Variants in FRMD4A observed in about 807,000 individuals in gnomAD.
FRMD4A encodes the protein FERM domain-containing protein 4A.
A neutral mutation model predicts 129.1 loss-of-function variants in FRMD4A; 29 were observed. That is an observed-to-expected ratio of 0.22 (90% CI 0.17 to 0.31). The LOEUF is 0.31. FRMD4A is among the 10% of genes least tolerant of loss of function. The pLI, the probability that FRMD4A is intolerant of heterozygous loss-of-function variation, is 1.00. For synonymous variants in FRMD4A, 634 were observed against 571.6 expected, an observed-to-expected ratio of 1.11 and a Z score of -1.56; for missense variants, 1,272 against 1,375.8, an observed-to-expected ratio of 0.92 and a Z score of 1.19.
intron 2 of FRMD4A, among the ~76,000 whole-genome samples, chr10:13,895,698 C>T (rs2094749613): frequency 6.6e-6 from 1 of 152,160 alleles, no homozygotes; most frequent in South Asian, 2.1e-4. Context: ...AGCTTCTGCA[C>T]AGCAAAAGAA....
Position 13,657,001 on chromosome 10 carries a change from A to G in FRMD4A, c.2588T>C (p.Val863Ala). Residue 863 changes from valine (V) to alanine (A), a missense_variant, in exon 22 of 25, where the codon GTC (valine) becomes GCC (alanine). Val to Ala is a moderately conservative substitution (Grantham distance 64). Around this residue, in one of 2 missense-constraint regions of FRMD4A, gnomAD observed 972 missense variants for 892.3 expected, o/e 1.09. Coordinates refer to ENST00000357447, the MANE Select transcript of FRMD4A (RefSeq NM_018027.5). ...LESDQEGHYS[V>A]KAQFKTSNSY... ...GTTGGACGTCTTGAACTGAGCCTTG[A>G]CGCTGTAGTGGCCCTCCTGGTCGCT... The G allele has an allele frequency of 6.4e-7, 1 of 1,566,884 alleles. No individual in the cohort carries two copies. The highest frequency in any genetic ancestry group is 1.8e-5 in the Admixed American group (1 of 57,004).
intron 2 of FRMD4A, among the ~76,000 whole-genome samples, chr10:14,142,339 G>T (rs573015475): frequency 1.0e-3 from 157 of 152,186 alleles, no homozygotes; most frequent in Non-Finnish European, 1.9e-3. Context: ...TGCTATTAAG[G>T]GAAACTGTCA....
rs1305306893 is a variant in FRMD4A at position 14,330,621 on chromosome 10, C to G, written c.-106G>C. 1 of 399,704 alleles carries G rather than the reference C, an allele frequency of 2.5e-6. No individual in the cohort carries two copies. The highest frequency in any genetic ancestry group is 2.1e-5 in the African/African-American group (1 of 48,642). The allele number at this position is 399,704 out of a possible 1,614,324, so 24.8% of individuals were successfully genotyped here. A position where few individuals can be genotyped will look rare whatever the true frequency, so the allele number is the denominator to read the frequency against. On this transcript the variant is annotated 5_prime_UTR_variant, in exon 1 of 25. Transcript: ENST00000357447. ...CCGCTCGCAATCTGGTCAGTGTCTT[C>G]TTTGCTGCAGATAGGTGTGTCCCTT...
In FRMD4A at chr10:13,843,718, G is replaced by A. The variant is rs1000265352; in HGVS notation, c.111+15129C>T. 2.0e-5 allele frequency among the ~76,000 whole-genome samples: 3 copies of A among 152,236 alleles called. No individual in the cohort carries two copies. In the South Asian group the frequency reaches 6.2e-4, roughly 32 times the overall value. On this transcript the variant is annotated intron_variant, in intron 3 of 24. Coordinates refer to ENST00000357447, the MANE Select transcript of FRMD4A (RefSeq NM_018027.5). ...TCACCATGTTGGCCAGGCTGGTCTC[G>A]AACTCCTGACCTCAGGTGATCTACC...
intron 2 of FRMD4A, among the ~76,000 whole-genome samples, chr10:14,033,466 G>A (rs530323181): frequency 6.6e-6 from 1 of 152,166 alleles, no homozygotes; most frequent in East Asian, 1.9e-4. Context: ...CAACCTAAGT[G>A]TCCACCAATG....
chr10:14,323,510 T>A (rs1843145197), intron 2 of FRMD4A, among the ~76,000 whole-genome samples: 2 of 152,214 alleles, frequency 1.3e-5, no homozygotes, highest in African/African-American at 2.4e-5. Flanking sequence ...ATGCTTTACC[T>A]CCCTGACTAG....
intron 2 of FRMD4A, among the ~76,000 whole-genome samples, chr10:14,250,224 G>A (rs1383958643): frequency 6.6e-6 from 1 of 152,150 alleles, no homozygotes; most frequent in Non-Finnish European, 1.5e-5. Context: ...GCCTCCCAAA[G>A]TGCTGGGATT....
At chr10:14,328,129 A>G (rs1843352174) in intron 2 of FRMD4A, among the ~76,000 whole-genome samples, 1 of 152,120 alleles carries the variant, frequency 6.6e-6, no homozygotes, top group Non-Finnish European at 1.5e-5. Context: ...TTGATTACAC[A>G]TGGTACTCCA....
intron 2 of FRMD4A, among the ~76,000 whole-genome samples, chr10:13,862,114 T>C (rs2094302773): frequency 6.6e-6 from 1 of 152,122 alleles, no homozygotes; most frequent in Non-Finnish European, 1.5e-5. Flanking sequence ...AGTTTAATCA[T>C]AGATTTGAGA....
At chr10:14,289,766 G>A (rs554203265) in intron 2 of FRMD4A, among the ~76,000 whole-genome samples, 33 of 152,040 alleles carry the variant, frequency 2.2e-4, no homozygotes, top group African/African-American at 7.9e-4. Flanking sequence ...GAGTAATTAG[G>A]TAAGCAAAAG....
intron 3 of FRMD4A, among the ~76,000 whole-genome samples, chr10:13,836,992 C>T (rs1208012658): frequency 6.6e-6 from 1 of 152,104 alleles, no homozygotes; most frequent in African/African-American, 2.4e-5. Flanking sequence ...CTCCTGACCT[C>T]ATGATCTGCC....
chr10:13,857,557 G>A (rs1266566491), intron 3 of FRMD4A, among the ~76,000 whole-genome samples: 1 of 152,086 alleles, frequency 6.6e-6, no homozygotes, highest in African/African-American at 2.4e-5. Context: ...CCTATTAAAA[G>A]TATTCACTCA....
At chr10:14,233,521 C>T (rs1216367371) in intron 2 of FRMD4A, among the ~76,000 whole-genome samples, 1 of 152,170 alleles carries the variant, frequency 6.6e-6, no homozygotes, top group Non-Finnish European at 1.5e-5. Flanking sequence ...TTGCAGTGAG[C>T]CGAGATTGTG....
intron 2 of FRMD4A, among the ~76,000 whole-genome samples, chr10:13,884,188 A>T (rs55992116): frequency 0.3 from 28,775 of 95,076 alleles, 3,555 homozygotes; most frequent in Non-Finnish European, 0.33. Context: ...ACACACACAC[A>T]CACACACTCA....
intron 2 of FRMD4A, among the ~76,000 whole-genome samples, chr10:14,231,903 T>C (rs2131989056): frequency 6.6e-6 from 1 of 152,352 alleles, no homozygotes. Context: ...TGTTGATAGT[T>C]TCTTTTTCTG....
chr10:14,125,700 GTC>G (rs1002067025), intron 2 of FRMD4A, among the ~76,000 whole-genome samples: 2 of 151,422 alleles, frequency 1.3e-5, no homozygotes, highest in African/African-American at 2.4e-5. Context: ...GGGGAATCCA[GTC>G]TCTCTCTCTC....
intron 2 of FRMD4A, among the ~76,000 whole-genome samples, chr10:14,053,377 C>G (rs949167439): frequency 6.6e-6 from 1 of 152,154 alleles, no homozygotes; most frequent in East Asian, 1.9e-4. Flanking sequence ...GATTACGGGG[C>G]AAGGGTGTGC....
At chr10:14,321,265 T>C (rs1843037315) in intron 2 of FRMD4A, among the ~76,000 whole-genome samples, 1 of 151,434 alleles carries the variant, frequency 6.6e-6, no homozygotes, top group African/African-American at 2.4e-5. Context: ...TCACAATCTA[T>C]TAAGAAAAAC....
At chr10:13,707,683 G>A in intron 12 of FRMD4A, 2 of 985,690 alleles carry the variant, frequency 2.0e-6, no homozygotes, top group Non-Finnish European at 2.4e-6. Context: ...GGAGGAGGCT[G>A]GGACCTTATT....
Sources: gnomAD v4.1 joint callset for allele counts (sites outside exome capture counted in the v4.1 genomes callset) on GRCh38, gnomAD v4.1.1 for gene constraint, gnomAD v4.1.1 regional missense constraint, MANE v1.5 for transcripts, NCBI Gene and HGNC (gene_info 2026-07-23, HGNC 2026-07-21) for gene names.